TAOK1: variants seen among roughly 807,000 people sequenced by gnomAD.
TAOK1 encodes the protein TAO kinase 1.
A neutral mutation model predicts 138.3 loss-of-function variants in TAOK1; 21 were observed. The ratio of observed to expected loss-of-function variants is 0.15; its 90% CI spans 0.11 to 0.22. The LOEUF (loss-of-function observed/expected upper bound fraction) is 0.22. Among genes scored for constraint, TAOK1 ranks in the 10% least tolerant of loss-of-function variants. TAOK1 has a pLI of 1.00. For missense variants in TAOK1, 651 were observed against 1,227.7 expected (o/e 0.53, Z 7.02); for synonymous variants, 361 against 398.4 (o/e 0.91, Z 1.12).
At chr17:29,510,777 A>C in intron 14 of TAOK1, 87 bp from the exon 15 acceptor site, 1 of 973,612 alleles carries the variant, frequency 1.0e-6, no homozygotes, top group East Asian at 3.0e-5. Flanking sequence ...TTGTTCTTAG[A>C]AAATAAAAGG....
At chr17:29,420,302 G>A (rs919029745) in intron 1 of TAOK1, among the ~76,000 whole-genome samples, 1 of 152,038 alleles carries the variant, frequency 6.6e-6, no homozygotes, top group Non-Finnish European at 1.5e-5. Context: ...CCAAAGTGCT[G>A]GGATTACAAG....
At chr17:29,421,560 G>GGC (rs918647244) in intron 1 of TAOK1, among the ~76,000 whole-genome samples, 1 of 152,126 alleles carries the variant, frequency 6.6e-6, no homozygotes, top group Non-Finnish European at 1.5e-5. Context: ...CTCTAGGCAA[G>GGC]GCTTTTAATT....
At chr17:29,449,992 C>G (rs893587529) in intron 1 of TAOK1, among the ~76,000 whole-genome samples, 1 of 152,170 alleles carries the variant, frequency 6.6e-6, no homozygotes, top group Non-Finnish European at 1.5e-5. Flanking sequence ...ACTCATTTAA[C>G]CCTCCTGATT....
At chr17:29,450,917 A>G (rs375041317) in intron 1 of TAOK1, among the ~76,000 whole-genome samples, 1 of 152,210 alleles carries the variant, frequency 6.6e-6, no homozygotes, top group African/African-American at 2.4e-5. Flanking sequence ...ATTTAATGAA[A>G]CAGTTGATAA....
chr17:29,461,167 T>A (rs77834959), intron 2 of TAOK1, among the ~76,000 whole-genome samples: 115 of 152,242 alleles, frequency 7.6e-4, no homozygotes, highest in East Asian at 3.1e-3. Context: ...TAATGTGTGA[T>A]CCTGGATTAG....
At chr17:29,426,851 G>A (rs1844970758) in intron 1 of TAOK1, among the ~76,000 whole-genome samples, 1 of 152,104 alleles carries the variant, frequency 6.6e-6, no homozygotes, top group Non-Finnish European at 1.5e-5. Context: ...TTAAGGAAAC[G>A]CCTAAATAAC....
chr17:29,433,858 G>A (rs998606017), intron 1 of TAOK1, among the ~76,000 whole-genome samples: 2 of 152,036 alleles, frequency 1.3e-5, no homozygotes, highest in Admixed American at 6.6e-5. Flanking sequence ...GGACACGGAC[G>A]AAGACCGATC....
chr17:29,476,726 T>C (rs1486387283), intron 4 of TAOK1, among the ~76,000 whole-genome samples: 2 of 152,222 alleles, frequency 1.3e-5, no homozygotes, highest in Non-Finnish European at 1.5e-5. Context: ...CCACCTATTA[T>C]TTTTTCAATC....
chr17:29,424,464 A>G (rs985171995), intron 1 of TAOK1, among the ~76,000 whole-genome samples: 2 of 151,418 alleles, frequency 1.3e-5, no homozygotes, highest in African/African-American at 4.8e-5. Context: ...AAAAAGACAA[A>G]TAGAGACACG....
intron 8 of TAOK1, among the ~76,000 whole-genome samples, chr17:29,489,231 C>T (rs2153027472): frequency 6.6e-6 from 1 of 152,324 alleles, no homozygotes; most frequent in African/African-American, 2.4e-5. Flanking sequence ...GGTGCAGTGG[C>T]TCACACCTGT....
rs912160457 is a variant in TAOK1 at position 29,488,937 on chromosome 17, C to A, written c.656-727C>A. ...CAATTTTCTGTCAATAAGTTTGACA[C>A]CTTGGATAAAATGAACAAATTCCTT... On this transcript the variant is annotated intron_variant, in intron 8 of 19. Coordinates refer to ENST00000261716, the MANE Select transcript of TAOK1 (RefSeq NM_020791.4). 2.0e-5 allele frequency among the ~76,000 whole-genome samples: 3 copies of A among 152,106 alleles called. No homozygotes were observed. The South Asian group carries it at 6.2e-4, about 32-fold the overall frequency.
chr17:29,394,150 G>GGTTTT (rs1904513941), intron 1 of TAOK1, among the ~76,000 whole-genome samples: 6 of 48,246 alleles, frequency 1.2e-4, no homozygotes, highest in Non-Finnish European at 1.8e-4. Context: ...TAATTTGCCA[G>GGTTTT]TTTTTTTTTT....
At chr17:29,494,977 T>G (rs1209325844) in intron 10 of TAOK1, among the ~76,000 whole-genome samples, 1 of 152,180 alleles carries the variant, frequency 6.6e-6, no homozygotes, top group African/African-American at 2.4e-5. Context: ...ACAATGTAAC[T>G]GTGATCATCA....
At chr17:29,463,671 C>T (rs1184471062) in intron 2 of TAOK1, among the ~76,000 whole-genome samples, 2 of 151,890 alleles carry the variant, frequency 1.3e-5, no homozygotes, top group East Asian at 3.9e-4. Context: ...ATCTGCATAA[C>T]ATTTGTTTTG....
chr17:29,494,858 G>A (rs1308744647), intron 10 of TAOK1, among the ~76,000 whole-genome samples: 2 of 150,748 alleles, frequency 1.3e-5, no homozygotes, highest in East Asian at 1.9e-4. Context: ...AGAATTCAAG[G>A]ATATTTCGTA....
intron 1 of TAOK1, among the ~76,000 whole-genome samples, chr17:29,412,675 T>A (rs1019968919): frequency 2.0e-5 from 3 of 152,218 alleles, no homozygotes; most frequent in Admixed American, 1.3e-4. Flanking sequence ...TTGAATAGAA[T>A]CTAATTGAAT....
chr17:29,525,121 G>A (rs1481924700), intron 17 of TAOK1, among the ~76,000 whole-genome samples: 1 of 151,452 alleles, frequency 6.6e-6, no homozygotes, highest in Non-Finnish European at 1.5e-5. Context: ...GTTTTGTTTT[G>A]TTTTGTTTGA....
chr17:29,442,811 C>T (rs763833263), intron 1 of TAOK1, among the ~76,000 whole-genome samples: 2 of 152,106 alleles, frequency 1.3e-5, no homozygotes. Flanking sequence ...AATCACAGCA[C>T]TTAGGGAGGC....
intron 1 of TAOK1, among the ~76,000 whole-genome samples, chr17:29,419,601 T>C (rs1905366213): frequency 6.6e-6 from 1 of 151,518 alleles, no homozygotes; most frequent in Non-Finnish European, 1.5e-5. Context: ...CAAGCGATTC[T>C]CCACCTCAAC....
Sources: gnomAD v4.1 joint callset for allele counts (sites outside exome capture counted in the v4.1 genomes callset) on GRCh38, gnomAD v4.1.1 for gene constraint, MANE v1.5 for transcripts, NCBI Gene and HGNC (gene_info 2026-07-23, HGNC 2026-07-21) for gene names.